KIAA1614: variants seen among roughly 807,000 people sequenced by gnomAD.
The protein encoded by KIAA1614 is KIAA1614.
In KIAA1614, 76 loss-of-function variants were observed where a neutral mutation model predicts 88.7. That is an observed-to-expected ratio of 0.86 (90% CI 0.71 to 1.04). The LOEUF is 1.04. Among genes scored for constraint, KIAA1614 ranks in the 50% least tolerant of loss-of-function variants. KIAA1614 has a pLI of 0.00. For synonymous variants in KIAA1614, 714 were observed against 675.5 expected (o/e 1.06, Z -0.88); for missense variants, 1,553 against 1,582.5 (o/e 0.98, Z 0.32).
intron 3 of KIAA1614, among the ~76,000 whole-genome samples, chr1:180,927,736 G>T (rs2102263788): frequency 6.6e-6 from 1 of 152,328 alleles, no homozygotes; most frequent in East Asian, 1.9e-4. Flanking sequence ...GTGGGGGCTG[G>T]TGGAGGACCC....
At chr1:180,930,633 T>A (rs114306420) in intron 4 of KIAA1614, among the ~76,000 whole-genome samples, 3,904 of 152,288 alleles carry the variant, frequency 0.026, 169 homozygotes, top group African/African-American at 0.089. Context: ...TTCTTCCTCA[T>A]GTCACTCTAG....
In KIAA1614 at chr1:180,916,501, C is replaced by G; in HGVS notation, c.398C>G (p.Ser133Cys). ...AGRAGTPSEGSFLPGAVVAPR... is the reference protein window; with the variant it reads ...AGRAGTPSEGCFLPGAVVAPR... Reference sequence around the variant, plus strand: ...AGAGCCGGGACTCCATCAGAGGGGTCTTTCCTGCCAGGTGCTGTGGTGGCT... The same window carrying G: ...AGAGCCGGGACTCCATCAGAGGGGTGTTTCCTGCCAGGTGCTGTGGTGGCT... The change falls in exon 2 of 9, where the codon TCT (serine) becomes TGT (cysteine). Residue 133 changes from serine (S) to cysteine (C), a missense_variant. Physicochemically the swap from Ser to Cys is moderately radical, Grantham distance 112. Transcript: ENST00000367588. The G allele has an allele frequency of 2.5e-6, 4 of 1,614,116 alleles. No homozygotes were observed. Among genetic ancestry groups the G allele is most frequent in the Non-Finnish European group, 3.4e-6 (4 of 1,180,038 alleles).
chr1:180,944,899 C>G (rs1654555012), intron 8 of KIAA1614: 4 of 261,746 alleles, frequency 1.5e-5, no homozygotes, highest in Non-Finnish European at 2.9e-5. Context: ...CCATGACCTG[C>G]TTGGAAAATC....
intron 4 of KIAA1614, among the ~76,000 whole-genome samples, chr1:180,932,257 G>T (rs1169947314): frequency 6.6e-6 from 1 of 152,084 alleles, no homozygotes; most frequent in Non-Finnish European, 1.5e-5. Context: ...CTTCAGCAGC[G>T]GGGTGTCCTG....
At chr1:180,921,208 C>T (rs1653946406) in intron 3 of KIAA1614, among the ~76,000 whole-genome samples, 2 of 77,454 alleles carry the variant, frequency 2.6e-5, no homozygotes, top group Non-Finnish European at 5.5e-5. Context: ...TTTTCTCTTA[C>T]GGGCAGGGGC....
Position 180,951,397 on chromosome 1 carries a change from C to T in KIAA1614, c.*5809C>T, listed in dbSNP as rs11580423. On this transcript the variant is annotated 3_prime_UTR_variant, in exon 9 of 9. Transcript: ENST00000367588. ...TCTGTCCAGCTTGGAGACAGGGCTG[C>T]GGCAGGTGCCTGGCCATCACAGCTG... 0.018 allele frequency: 2,801 copies of T among 152,184 alleles called. 43 individuals carry two copies. The highest frequency in any genetic ancestry group is 0.05 in the Admixed American group (759 of 15,284). The allele number at this position is 152,184 out of a possible 1,614,324, so 9.4% of individuals were successfully genotyped here.
intron 4 of KIAA1614, among the ~76,000 whole-genome samples, chr1:180,931,595 C>A (rs1388586670): frequency 6.6e-6 from 1 of 152,222 alleles, no homozygotes; most frequent in Non-Finnish European, 1.5e-5. Flanking sequence ...GCTAGTGGGG[C>A]TTTCTGGGTT....
chr1:180,936,219 C>CGA lies in KIAA1614; in HGVS notation c.2312_2313dup (p.Leu773ProfsTer229), dbSNP rs751722218. Reference sequence around the variant, plus strand: ...GCCAGGCCCAGGTTACAGAAAGCCACGAGTCCCTGGAAATTGTCTCTCCTT... The same window carrying CGA: ...GCCAGGCCCAGGTTACAGAAAGCCACGAGAGTCCCTGGAAATTGTCTCTCCTT... On this transcript the variant is annotated frameshift_variant, in exon 5 of 9. Coordinates refer to ENST00000367588, the MANE Select transcript of KIAA1614 (RefSeq NM_020950.2). LOFTEE classifies it high-confidence loss of function. 8.1e-6 allele frequency: 13 copies of CGA among 1,614,172 alleles called. No individual in the cohort carries two copies. In the South Asian group the frequency reaches 1.4e-4, roughly 18 times the overall value.
At position 180,935,330 on chromosome 1, in the gene KIAA1614, A is replaced by G. The variant is rs1654295843; in HGVS notation, c.1421A>G (p.Gln474Arg). Residue 474 changes from glutamine (Q) to arginine (R), a missense_variant, in exon 5 of 9, where the codon CAG becomes CGG. By Grantham distance (43) the Gln-to-Arg change is conservative. Transcript: ENST00000367588. This position sits in a 1 kb window ranked among gnomAD's most constrained non-coding sequence, Gnocchi z 6.1. ...HLERLQQRQR[Q>R]VLSTVLQAAD... ...GAGCGGCTGCAGCAGCGCCAGCGCC[A>G]GGTGCTGAGCACCGTGTTGCAGGCC... 1.4e-6 allele frequency: 2 copies of G among 1,477,950 alleles called. No homozygotes were observed. Among genetic ancestry groups the G allele is most frequent in the Non-Finnish European group, 1.8e-6 (2 of 1,117,648 alleles). 91.6% of individuals were successfully genotyped at this position (1,477,950 alleles called of 1,614,324 possible). A position where few individuals can be genotyped will look rare whatever the true frequency, so the allele number is the denominator to read the frequency against.
In KIAA1614 at chr1:180,935,293, T is replaced by C. The variant is rs1298039283; in HGVS notation, c.1384T>C (p.Phe462Leu). The change falls in exon 5 of 9, where the codon TTC (phenylalanine) becomes CTC (leucine). Residue 462 changes from phenylalanine (F) to leucine (L), a missense_variant. Phe to Leu is a conservative substitution (Grantham distance 22). Coordinates refer to ENST00000367588, the MANE Select transcript of KIAA1614 (RefSeq NM_020950.2). The surrounding 1 kb of genome is among the most constrained non-coding windows in gnomAD (Gnocchi z 6.1). ...FEDESAREAE[F>L]RHLERLQQRQ... ...GGATGAGTCCGCCCGCGAAGCCGAGTTCCGTCACCTGGAGCGGCTGCAGCA... is the reference window on the plus strand; with the variant it reads ...GGATGAGTCCGCCCGCGAAGCCGAGCTCCGTCACCTGGAGCGGCTGCAGCA... 1 of 1,497,286 alleles carries C rather than the reference T, an allele frequency of 6.7e-7. No homozygotes were observed. 92.8% of individuals were successfully genotyped at this position (1,497,286 alleles called of 1,614,324 possible).
At chr1:180,942,984 T>G (rs1187687609) in intron 7 of KIAA1614, among the ~76,000 whole-genome samples, 1 of 151,962 alleles carries the variant, frequency 6.6e-6, no homozygotes, top group Non-Finnish European at 1.5e-5. Flanking sequence ...TGTTGGTGTG[T>G]GGTGCTGCCA....
At position 180,941,078 on chromosome 1, in the gene KIAA1614, C is replaced by T. The variant is rs776974411; in HGVS notation, c.2952C>T (p.Ser984=). The change falls in exon 7 of 9, where the codon TCC becomes TCT. Residue 984 remains serine, a synonymous_variant. Transcript: ENST00000367588. ...CAGGAGCTGGCACAGGACCCGGCTC[C>T]CCCTCGGCTGCCCCTTTGGACCAGA... ...ASAGAGTGPG[S]PSAAPLDQNK... 3 of 1,611,602 alleles carry T rather than the reference C, an allele frequency of 1.9e-6. No individual in the cohort carries two copies. Among genetic ancestry groups the T allele is most frequent in the Non-Finnish European group, 2.5e-6 (3 of 1,179,354 alleles).
chr1:180,922,321 G>A (rs371845284), intron 3 of KIAA1614, among the ~76,000 whole-genome samples: 58 of 152,310 alleles, frequency 3.8e-4, no homozygotes, highest in African/African-American at 1.4e-3. Flanking sequence ...TCCCCTCATC[G>A]CTGTGATGGA....
Position 180,913,255 on chromosome 1 carries a change from A to T in KIAA1614, c.12A>T (p.Thr4=), listed in dbSNP as rs562707710. MEG[T]EAAAAKPAGG... is the part of the protein sequence containing the mutation. Reference sequence around the variant, plus strand: ...GGCCTCTCCGAGGGATGGAGGGGACAGAGGCGGCGGCGGCCAAACCCGCGG... The same window carrying T: ...GGCCTCTCCGAGGGATGGAGGGGACTGAGGCGGCGGCGGCCAAACCCGCGG... The change falls in exon 1 of 9, where the codon ACA becomes ACT. Residue 4 remains threonine, a synonymous_variant. Transcript: ENST00000367588. 2.4e-6 allele frequency: 3 copies of T among 1,262,104 alleles called. No individual in the cohort carries two copies. The South Asian group carries it at 1.0e-4, about 43-fold the overall frequency. The allele number at this position is 1,262,104 out of a possible 1,614,324, so 78.2% of individuals were successfully genotyped here. A position where few individuals can be genotyped will look rare whatever the true frequency, so the allele number is the denominator to read the frequency against.
chr1:180,916,673 C>T lies in KIAA1614; in HGVS notation c.570C>T (p.Ala190=), dbSNP rs375702172. The part of the protein sequence containing the change: ...CNRGSPWPPE[A]EWTLPDHDRG... ...GGGGGAGCCCGTGGCCTCCAGAAGC[C>T]GAATGGACACTTCCTGACCATGACA... is the stretch of plus-strand genomic sequence containing the variant. The change falls in exon 2 of 9, where the codon GCC becomes GCT. Residue 190 remains alanine, a synonymous_variant. Transcript: ENST00000367588. 83 of 1,603,086 alleles carry T rather than the reference C, an allele frequency of 5.2e-5. No homozygotes were observed. Among genetic ancestry groups the T allele is most frequent in the East Asian group, 2.7e-4 (12 of 44,704 alleles).
chr1:180,928,314 C>A, intron 3 of KIAA1614, 116 bp from the exon 4 acceptor site: 1 of 1,227,752 alleles, frequency 8.1e-7, no homozygotes, highest in Non-Finnish European at 1.1e-6. Context: ...AGGAAGGCTG[C>A]ACATGCAGGG....
At chr1:180,914,588 C>T (rs9725163) in intron 1 of KIAA1614, among the ~76,000 whole-genome samples, 8,035 of 152,192 alleles carry the variant, frequency 0.053, 309 homozygotes, top group Non-Finnish European at 0.077. Flanking sequence ...CTCGCTCTAT[C>T]GCCCAGGCTG....
chr1:180,935,208 A>G lies in KIAA1614; in HGVS notation c.1299A>G (p.Gly433=). 6.6e-7 allele frequency: 1 copy of G among 1,511,018 alleles called. No individual in the cohort carries two copies. The highest frequency in any genetic ancestry group is 8.8e-7 in the Non-Finnish European group (1 of 1,130,722). 93.6% of individuals were successfully genotyped at this position (1,511,018 alleles called of 1,614,324 possible). A position where few individuals can be genotyped will look rare whatever the true frequency, so the allele number is the denominator to read the frequency against. Residue 433 remains glycine, a synonymous_variant, in exon 5 of 9, where the codon GGA becomes GGG. Coordinates refer to ENST00000367588, the MANE Select transcript of KIAA1614 (RefSeq NM_020950.2). This position sits in a 1 kb window ranked among gnomAD's most constrained non-coding sequence, Gnocchi z 6.1. ...QNGHTSDSSS[G]ESSGGHRPRR... ...GGCACACGAGCGATTCCTCCAGCGG[A>G]GAGTCCAGCGGTGGGCACAGGCCGA... is the stretch of plus-strand genomic sequence containing the variant.
chr1:180,917,408 G>T (rs1406423361), intron 2 of KIAA1614, among the ~76,000 whole-genome samples: 1 of 152,018 alleles, frequency 6.6e-6, no homozygotes, highest in African/African-American at 2.4e-5. Flanking sequence ...TTTCCGGAGT[G>T]GCTTTTTGCC....
Sources: gnomAD v4.1 joint callset for allele counts (sites outside exome capture counted in the v4.1 genomes callset) on GRCh38, gnomAD v4.1.1 for gene constraint, Gnocchi (gnomAD v3.1) non-coding constraint, MANE v1.5 for transcripts, NCBI Gene and HGNC (gene_info 2026-07-23, HGNC 2026-07-21) for gene names.